Variants in AGAP1 observed in about 807,000 individuals in gnomAD.
AGAP1 encodes the protein ArfGAP with GTPase domain, ankyrin repeat and PH domain 1, also known as arf-GAP with GTPase, ANK repeat and PH domain-containing protein 1.
Under a neutral mutation model 105.3 loss-of-function variants are expected in AGAP1, and 29 were observed. That is an observed-to-expected ratio of 0.28 (90% confidence interval 0.21 to 0.38). The LOEUF (loss-of-function observed/expected upper bound fraction) is 0.38, where lower values mean the gene tolerates loss of function less well. AGAP1 is among the 10% of genes least tolerant of loss of function. The pLI, the probability that AGAP1 is intolerant of heterozygous loss-of-function variation, is 1.00. For missense variants in AGAP1, 998 were observed against 1,165.1 expected (o/e 0.86, Z 2.09); for synonymous variants, 509 against 485.9 (o/e 1.05, Z -0.63).
rs145552121 is a variant in AGAP1, at chr2:235,955,399, CA to C, written c.1484-13062del. ...TTACACACCGTTGGTGGGAGCAGCACAGAACTTCGGCTCAGCAGCATGTATC... is the reference window on the plus strand; with the variant it reads ...TTACACACCGTTGGTGGGAGCAGCACGAACTTCGGCTCAGCAGCATGTATC... On this transcript the variant is annotated intron_variant, in intron 12 of 17. Coordinates refer to ENST00000304032, the MANE Select transcript of AGAP1 (RefSeq NM_001037131.3). Among the ~76,000 whole-genome samples, 824 of 152,270 alleles carry C rather than the reference CA, an allele frequency of 5.4e-3. 7 individuals are homozygous for C. The highest frequency in any genetic ancestry group is 0.019 in the African/African-American group (781 of 41,552).
chr2:235,785,144 CT>C (rs1425007059), intron 6 of AGAP1, among the ~76,000 whole-genome samples: 1 of 152,104 alleles, frequency 6.6e-6, no homozygotes, highest in African/African-American at 2.4e-5. Flanking sequence ...AAGAAAATGT[CT>C]TTTTTATGTA....
At chr2:236,029,078 C>T (rs2057142137) in intron 13 of AGAP1, among the ~76,000 whole-genome samples, 1 of 152,132 alleles carries the variant, frequency 6.6e-6, no homozygotes, top group South Asian at 2.1e-4. Flanking sequence ...CCTATGACAT[C>T]GTAACTCCCA....
At chr2:235,710,893 G>T (rs555608263) in intron 2 of AGAP1, among the ~76,000 whole-genome samples, 1 of 152,330 alleles carries the variant, frequency 6.6e-6, no homozygotes, top group African/African-American at 2.4e-5. Flanking sequence ...CTCTGTGCGG[G>T]TCGTGTTCTA....
At chr2:235,674,918 A>G (rs1948642968) in intron 1 of AGAP1, among the ~76,000 whole-genome samples, 1 of 151,360 alleles carries the variant, frequency 6.6e-6, no homozygotes, top group African/African-American at 2.4e-5. Flanking sequence ...CCATCTCTTG[A>G]CCTCTTGATC....
chr2:235,965,735 G>C lies in AGAP1; in HGVS notation c.1484-2727G>C, dbSNP rs1363344679. Among the ~76,000 whole-genome samples, 1 of 152,184 alleles carries C rather than the reference G, an allele frequency of 6.6e-6. No individual in the cohort carries two copies. Among genetic ancestry groups the C allele is most frequent in the Admixed American group, 6.5e-5 (1 of 15,286 alleles). ...TAACTTTGGATGAGTGTTTGCTGTTGAGACTGTGGCTTCAAGGGTTAAGGA... is the reference window on the plus strand; with the variant it reads ...TAACTTTGGATGAGTGTTTGCTGTTCAGACTGTGGCTTCAAGGGTTAAGGA... On this transcript the variant is annotated intron_variant, in intron 12 of 17. Transcript: ENST00000304032. This position sits in a 1 kb window ranked among gnomAD's most constrained non-coding sequence, Gnocchi z 5.8.
At chr2:235,808,601 C>A (rs893019181) in intron 9 of AGAP1, among the ~76,000 whole-genome samples, 1 of 152,154 alleles carries the variant, frequency 6.6e-6, no homozygotes, top group Non-Finnish European at 1.5e-5. Context: ...CTGCCCACAG[C>A]GTAACCGACC....
At chr2:236,008,965 A>G (rs1221094624) in intron 13 of AGAP1, among the ~76,000 whole-genome samples, 1 of 152,206 alleles carries the variant, frequency 6.6e-6, no homozygotes, top group African/African-American at 2.4e-5. Flanking sequence ...TGATCACGGC[A>G]AAGTTATTTT....
chr2:235,869,959 G>C lies in AGAP1; in HGVS notation c.1051-13386G>C, dbSNP rs113871562. ...GCAGGAGTTTCCAGGCCTCCTTCAG[G>C]CTTTGGCCAGGAGTGGCACAGCATA... On this transcript the variant is annotated intron_variant, in intron 9 of 17. Transcript: ENST00000304032. 3.2e-3 allele frequency among the ~76,000 whole-genome samples: 481 copies of C among 152,304 alleles called. 3 individuals are homozygous for C. The highest frequency in any genetic ancestry group is 4.5e-3 in the Non-Finnish European group (308 of 68,024).
In AGAP1 at chr2:236,053,721, C is replaced by T. The variant is rs909937086; in HGVS notation, c.2114+4440C>T. ...CATTTCAGTGCAGGTAGCCTGTTTA[C>T]TTGGCGGCTTAGGAGCCTGCTGATT... On this transcript the variant is annotated intron_variant, in intron 16 of 17. Transcript: ENST00000304032. This position sits in a 1 kb window ranked among gnomAD's most constrained non-coding sequence, Gnocchi z 4.6. 1.3e-5 allele frequency among the ~76,000 whole-genome samples: 2 copies of T among 152,218 alleles called. No homozygotes were observed. The highest frequency in any genetic ancestry group is 2.9e-5 in the Non-Finnish European group (2 of 68,040).
chr2:235,802,696 GATGGTTGTGATAA>G (rs1957557136), intron 8 of AGAP1, among the ~76,000 whole-genome samples: 1 of 143,856 alleles, frequency 7.0e-6, no homozygotes, highest in African/African-American at 2.9e-5. Context: ...TGGTGGTGAT[GATGGTTGTGATAA>G]TGATGGTTGT....
chr2:235,803,421 A>AT (rs755480317), intron 8 of AGAP1, among the ~76,000 whole-genome samples: 2 of 152,178 alleles, frequency 1.3e-5, no homozygotes, highest in Non-Finnish European at 2.9e-5. Flanking sequence ...GTTGTTGGTG[A>AT]TTATAGGCAT....
intron 1 of AGAP1, among the ~76,000 whole-genome samples, chr2:235,581,418 T>C (rs1182655554): frequency 6.6e-6 from 1 of 151,000 alleles, no homozygotes. Context: ...TTTTAAGAAT[T>C]CAATCATGAA....
chr2:235,944,298 AT>A (rs1424813076), intron 12 of AGAP1, among the ~76,000 whole-genome samples: 1 of 152,220 alleles, frequency 6.6e-6, no homozygotes, highest in Non-Finnish European at 1.5e-5. Context: ...TAGTTCAAGA[AT>A]TCAGCTCTAG....
At position 235,967,260 on chromosome 2, in the gene AGAP1, A is replaced by C. The variant is rs1410495886; in HGVS notation, c.1484-1202A>C. On this transcript the variant is annotated intron_variant, in intron 12 of 17. Coordinates refer to ENST00000304032, the MANE Select transcript of AGAP1 (RefSeq NM_001037131.3). This position sits in a 1 kb window ranked among gnomAD's most constrained non-coding sequence, Gnocchi z 4.7. ...ACCTTCTCACTCCTCTGCCATTTTC[A>C]AGTCTTGATTCAGTGTCCCGTGCTC... Among the ~76,000 whole-genome samples the C allele has an allele frequency of 6.6e-6, 1 of 151,896 alleles. No homozygotes were observed. The highest frequency in any genetic ancestry group is 1.5e-5 in the Non-Finnish European group (1 of 67,972).
At chr2:235,560,876 G>A (rs764211149) in intron 1 of AGAP1, among the ~76,000 whole-genome samples, 164 of 152,298 alleles carry the variant, frequency 1.1e-3, no homozygotes, top group Admixed American at 2.0e-3. Flanking sequence ...AACCTCAGGT[G>A]TTGCCTTCTC....
intron 16 of AGAP1, among the ~76,000 whole-genome samples, chr2:236,064,970 C>A (rs2125772464): frequency 6.6e-6 from 1 of 152,216 alleles, no homozygotes; most frequent in East Asian, 1.9e-4. Flanking sequence ...TGTTTTCTTT[C>A]CAAAAACTAA....
Position 235,635,730 on chromosome 2 carries a change from G to A in AGAP1, c.164-73449G>A, listed in dbSNP as rs907138900. On this transcript the variant is annotated intron_variant, in intron 1 of 17. Coordinates refer to ENST00000304032, the MANE Select transcript of AGAP1 (RefSeq NM_001037131.3). This position sits in a 1 kb window ranked among gnomAD's most constrained non-coding sequence, Gnocchi z 5.3. The stretch of plus-strand genomic sequence containing the variant: ...GCCACGTTGCCCGGAAGTCTGATGC[G>A]TGAGGCGGGAAGGTTAAAACTTGTT... Among the ~76,000 whole-genome samples the A allele has an allele frequency of 7.2e-5, 11 of 152,146 alleles. No homozygotes were observed. Among genetic ancestry groups the A allele is most frequent in the Admixed American group, 5.2e-4 (8 of 15,266 alleles).
Position 235,994,073 on chromosome 2 carries a change from G to A in AGAP1, c.1645+25450G>A, listed in dbSNP as rs1286158211. Among the ~76,000 whole-genome samples, 14 of 152,034 alleles carry A rather than the reference G, an allele frequency of 9.2e-5. No homozygotes were observed. The highest frequency in any genetic ancestry group is 9.2e-4 in the Admixed American group (14 of 15,264). On this transcript the variant is annotated intron_variant, in intron 13 of 17. Transcript: ENST00000304032. The surrounding 1 kb of genome is among the most constrained non-coding windows in gnomAD (Gnocchi z 4.4). ...GACACCTTCCCCTGGGACCCCCATTGGCTGTGTGTCCCCCAGCTTCTAATT... is the reference window on the plus strand; with the variant it reads ...GACACCTTCCCCTGGGACCCCCATTAGCTGTGTGTCCCCCAGCTTCTAATT...
At chr2:235,924,960 A>G (rs1017474952) in intron 11 of AGAP1, among the ~76,000 whole-genome samples, 9 of 152,136 alleles carry the variant, frequency 5.9e-5, no homozygotes, top group African/African-American at 2.2e-4. Context: ...GGAAGAAGAA[A>G]CTGAGGCCCG....
Sources: gnomAD v4.1 joint callset for allele counts (sites outside exome capture counted in the v4.1 genomes callset) on GRCh38, gnomAD v4.1.1 for gene constraint, Gnocchi (gnomAD v3.1) non-coding constraint, MANE v1.5 for transcripts, NCBI Gene and HGNC (gene_info 2026-07-23, HGNC 2026-07-21) for gene names.